MTCL1: variants seen among roughly 807,000 people sequenced by gnomAD.
MTCL1 encodes the protein microtubule crosslinking factor 1.
A neutral mutation model predicts 141.4 loss-of-function variants in MTCL1; 79 were observed. The observed-to-expected ratio is 0.56, with a 90% CI of 0.47 to 0.67. MTCL1 has a LOEUF of 0.67. MTCL1 is among the 30% of genes least tolerant of loss of function. MTCL1 has a pLI of 0.00. For missense variants in MTCL1, 2,177 were observed against 2,113.9 expected, an observed-to-expected ratio of 1.03 and a Z score of -0.59; for synonymous variants, 914 against 875.8, an observed-to-expected ratio of 1.04 and a Z score of -0.77.
At chr18:8,719,659 C>T (rs2096154694) in intron 3 of MTCL1, among the ~76,000 whole-genome samples, 2 of 152,178 alleles carry the variant, frequency 1.3e-5, no homozygotes, top group Non-Finnish European at 2.9e-5. Flanking sequence ...AACTCCTGGG[C>T]TCAAGCAACC....
At chr18:8,796,751 T>G (rs533164106) in intron 9 of MTCL1, among the ~76,000 whole-genome samples, 4 of 152,150 alleles carry the variant, frequency 2.6e-5, no homozygotes, top group Non-Finnish European at 5.9e-5. Context: ...AGGCATAAAC[T>G]TACTGAGAAT....
chr18:8,825,948 G>A (rs72942342), exon 15 of MTCL1: 31,559 of 1,600,682 alleles, frequency 0.02, 350 homozygotes, highest in Non-Finnish European at 0.024. Context: ...ACCAGAGCTG[G>A]GCCCAGGCCA....
rs761088932 is a variant in MTCL1 at position 8,825,611 on chromosome 18, C to G, written c.4101C>G (p.Ser1367Arg). 12 of 1,613,840 alleles carry G rather than the reference C, an allele frequency of 7.4e-6. 1 individual carries two copies. In the South Asian group the frequency reaches 1.2e-4, roughly 16 times the overall value. The change falls in exon 15 of 17, where the codon AGC becomes AGG. Residue 1367 changes from serine to arginine, a missense_variant. Physicochemically the swap from Ser to Arg is moderately radical, Grantham distance 110 (BLOSUM62 -1). Transcript: ENST00000359865. ...CGTCTCCTTCCCGGAGCCTTAGGAGCAGACAGGTGGCCCCTGCCATCGAGA... is the reference window on the plus strand; with the variant it reads ...CGTCTCCTTCCCGGAGCCTTAGGAGGAGACAGGTGGCCCCTGCCATCGAGA...
At chr18:8,750,341 C>T (rs1360090245) in intron 4 of MTCL1, among the ~76,000 whole-genome samples, 1 of 152,190 alleles carries the variant, frequency 6.6e-6, no homozygotes, top group Non-Finnish European at 1.5e-5. Flanking sequence ...TCTCTGTGCC[C>T]GGCCAGTAAT....
At chr18:8,781,108 C>A (rs1319018557) in intron 5 of MTCL1, among the ~76,000 whole-genome samples, 1 of 134,900 alleles carries the variant, frequency 7.4e-6, no homozygotes, top group Non-Finnish European at 1.5e-5. Context: ...TAGGAGGCAG[C>A]GGTTACAGTG....
chr18:8,705,959 G>T lies in MTCL1; in HGVS notation c.299G>T (p.Arg100Leu), dbSNP rs918736238. The T allele has an allele frequency of 6.3e-6, 7 of 1,115,452 alleles. No homozygotes were observed. In the African/African-American group the frequency reaches 1.2e-4, roughly 19 times the overall value. The allele number at this position is 1,115,452 out of a possible 1,614,324, so 69.1% of individuals were successfully genotyped here. A position where few individuals can be genotyped will look rare whatever the true frequency, so the allele number is the denominator to read the frequency against. The change falls in exon 1 of 14, where the codon CGC (arginine) becomes CTC (leucine). Residue 100 changes from arginine (R) to leucine (L), a missense_variant. Physicochemically the swap from Arg to Leu is moderately radical, Grantham distance 102 (BLOSUM62 -2). Coordinates refer to the MTCL1 transcript ENST00000306329. The surrounding 1 kb of genome is among the most constrained non-coding windows in gnomAD (Gnocchi z 5.2). Reference sequence around the variant, plus strand: ...GCCGCGCCCGGCCGCCTCTCTCGGCGCAGTGGCGGCGTCCCGGGCGCGAAG... The same window carrying T: ...GCCGCGCCCGGCCGCCTCTCTCGGCTCAGTGGCGGCGTCCCGGGCGCGAAG...
At chr18:8,710,345 T>G (rs902898778) in intron 1 of MTCL1, among the ~76,000 whole-genome samples, 36 of 152,206 alleles carry the variant, frequency 2.4e-4, no homozygotes, top group Non-Finnish European at 4.4e-4. Flanking sequence ...AAAAGCACTC[T>G]TGTTGTCCTT....
In MTCL1 at chr18:8,829,480, C is replaced by T. The variant is rs989881504; in HGVS notation, c.*18+516C>T. The T allele has an allele frequency of 3.7e-5, 35 of 945,712 alleles. No individual in the cohort carries two copies. The Middle Eastern group carries it at 1.6e-3, about 44-fold the overall frequency. 58.6% of individuals were successfully genotyped at this position (945,712 alleles called of 1,614,324 possible). A position where few individuals can be genotyped will look rare whatever the true frequency, so the allele number is the denominator to read the frequency against. ...ATATCTTGTCCTTCCAAGTGAGCACCGTGGGTGACAGAGTAAATGCTCAAT... is the reference window on the plus strand; with the variant it reads ...ATATCTTGTCCTTCCAAGTGAGCACTGTGGGTGACAGAGTAAATGCTCAAT... On this transcript the variant is annotated intron_variant, in intron 16 of 16. Transcript: ENST00000359865.
At chr18:8,706,421 C>T in exon 1 of MTCL1, 3 of 1,227,882 alleles carry the variant, frequency 2.4e-6, no homozygotes, top group Non-Finnish European at 3.0e-6. Flanking sequence ...ACGCCGAGCC[C>T]CGCAGCCCGA....
intron 4 of MTCL1, among the ~76,000 whole-genome samples, chr18:8,751,705 T>C (rs2096372332): frequency 6.6e-6 from 1 of 152,122 alleles, no homozygotes; most frequent in East Asian, 1.9e-4. Flanking sequence ...GGGGGTACAG[T>C]TGAAGTGAGG....
At chr18:8,784,222 C>A in exon 6 of MTCL1, 1 of 1,611,068 alleles carries the variant, frequency 6.2e-7, no homozygotes, top group South Asian at 1.1e-5. Context: ...AGCGCTGCGA[C>A]CTGGCAGCCC....
chr18:8,731,523 A>G (rs12953469), intron 4 of MTCL1, among the ~76,000 whole-genome samples: 121,037 of 151,668 alleles, frequency 0.8, 48,595 homozygotes, highest in East Asian at 0.96. Context: ...GCAGTGAGCC[A>G]AGATCGCGTC....
At chr18:8,811,072 A>G (rs2076467638) in intron 11 of MTCL1, 1 of 147,156 alleles carries the variant, frequency 6.8e-6, no homozygotes, top group African/African-American at 2.7e-5. Flanking sequence ...TACTGTTGCA[A>G]TAAAGGAATA....
intron 7 of MTCL1, among the ~76,000 whole-genome samples, chr18:8,792,621 A>G (rs2075772138): frequency 6.6e-6 from 1 of 152,246 alleles, no homozygotes; most frequent in South Asian, 2.1e-4. Flanking sequence ...ATAGGTGGTC[A>G]TGCTTGCCTC....
Position 8,784,389 on chromosome 18 carries a change from C to T in MTCL1, c.1277C>T (p.Ser426Leu), listed in dbSNP as rs140267953. The T allele has an allele frequency of 1.1e-3, 1,617 of 1,527,148 alleles. 1 individual carries two copies. The highest frequency in any genetic ancestry group is 1.6e-3 in the Admixed American group (75 of 48,008). The allele number at this position is 1,527,148 out of a possible 1,614,324, so 94.6% of individuals were successfully genotyped here. A position where few individuals can be genotyped will look rare whatever the true frequency, so the allele number is the denominator to read the frequency against. Residue 426 changes from serine to leucine, a missense_variant, in exon 6 of 17, where the codon TCG becomes TTG. Physicochemically the swap from Ser to Leu is moderately radical, Grantham distance 145 (BLOSUM62 -2). Transcript: ENST00000359865. ...TCGGAGGAAATGTTTGAGAAGACGTCGGGCTTCGGGAGCGGGAAGCCATCG... is the reference window on the plus strand; with the variant it reads ...TCGGAGGAAATGTTTGAGAAGACGTTGGGCTTCGGGAGCGGGAAGCCATCG...
intron 4 of MTCL1, among the ~76,000 whole-genome samples, chr18:8,748,562 A>T (rs1162163472): frequency 2.0e-5 from 3 of 151,834 alleles, no homozygotes; most frequent in East Asian, 3.9e-4. Context: ...ATATGTATGT[A>T]TGTGTATATA....
chr18:8,731,837 T>C (rs1316684410), intron 4 of MTCL1, among the ~76,000 whole-genome samples: 1 of 151,904 alleles, frequency 6.6e-6, no homozygotes, highest in Non-Finnish European at 1.5e-5. Context: ...GTCTCCTGAG[T>C]AGCTGGGATT....
At chr18:8,751,788 G>A (rs770071599) in intron 4 of MTCL1, among the ~76,000 whole-genome samples, 1 of 152,198 alleles carries the variant, frequency 6.6e-6, no homozygotes, top group Non-Finnish European at 1.5e-5. Flanking sequence ...AAGACTAGAC[G>A]AGGTTAGAAA....
chr18:8,712,810 G>A (rs962434154), upstream of MTCL1, among the ~76,000 whole-genome samples: 3 of 152,170 alleles, frequency 2.0e-5, no homozygotes, highest in East Asian at 5.8e-4. Context: ...TGTTACAAAA[G>A]ACAGTAGTTT....
Sources: gnomAD v4.1 joint callset for allele counts (sites outside exome capture counted in the v4.1 genomes callset) on GRCh38, gnomAD v4.1.1 for gene constraint, Gnocchi (gnomAD v3.1) non-coding constraint, MANE v1.5 for transcripts, NCBI Gene and HGNC (gene_info 2026-07-23, HGNC 2026-07-21) for gene names.